The following SLC6A13 variants were observed in gnomAD, a reference collection of about 807,000 sequenced individuals.
The protein encoded by SLC6A13 is sodium- and chloride-dependent GABA transporter 2.
A neutral mutation model predicts 72.9 loss-of-function variants in SLC6A13; 69 were observed. The ratio of observed to expected loss-of-function variants is 0.95; its 90% confidence interval spans 0.78 to 1.16. The LOEUF is 1.16. SLC6A13 is among the 50% of genes most tolerant of loss of function. The pLI, the probability that SLC6A13 is intolerant of heterozygous loss-of-function variation, is 0.00. For synonymous variants in SLC6A13, 303 were observed against 303.0 expected (o/e 1.00, Z 0.00); for missense variants, 735 against 760.5 (o/e 0.97, Z 0.39).
chr12:229,264 T>C (rs896648618), intron 7 of SLC6A13, among the ~76,000 whole-genome samples: 3 of 152,188 alleles, frequency 2.0e-5, no homozygotes, highest in Admixed American at 6.5e-5. Context: ...GTTTGCAAAC[T>C]GCAGTGTCTC....
intron 2 of SLC6A13, among the ~76,000 whole-genome samples, chr12:258,703 T>G (rs1431897670): frequency 1.3e-5 from 2 of 152,088 alleles, no homozygotes; most frequent in Non-Finnish European, 2.9e-5. Flanking sequence ...ATTCCCTGAC[T>G]GTGGGTTAGT....
chr12:246,409 C>A (rs934324211), intron 2 of SLC6A13, among the ~76,000 whole-genome samples: 1 of 152,060 alleles, frequency 6.6e-6, no homozygotes, highest in Non-Finnish European at 1.5e-5. Context: ...ACCAGGAAAG[C>A]AAAGAATCAG....
chr12:229,222 T>C (rs1941604146), intron 7 of SLC6A13, among the ~76,000 whole-genome samples: 1 of 152,120 alleles, frequency 6.6e-6, no homozygotes, highest in African/African-American at 2.4e-5. Context: ...GGACAGGGAA[T>C]GAAGGACAGA....
intron 2 of SLC6A13, 168 bp downstream of exon 2, chr12:259,683 C>A (rs1367428607): frequency 3.2e-5 from 47 of 1,484,660 alleles, no homozygotes; most frequent in Non-Finnish European, 4.0e-5. Flanking sequence ...GTCACGTAAC[C>A]TTTCTAGGTC....
At chr12:255,401 A>G (rs1942704590) in intron 2 of SLC6A13, among the ~76,000 whole-genome samples, 1 of 151,958 alleles carries the variant, frequency 6.6e-6, no homozygotes, top group Non-Finnish European at 1.5e-5. Flanking sequence ...TTATTTTAAA[A>G]TGTAAGATGA....
At chr12:229,984 G>C (rs1047627261) in intron 7 of SLC6A13, among the ~76,000 whole-genome samples, 3 of 152,098 alleles carry the variant, frequency 2.0e-5, no homozygotes, top group Non-Finnish European at 4.4e-5. Context: ...AACCCAGAGC[G>C]CAAGGGTCAA....
chr12:222,574 A>C lies in SLC6A13; in HGVS notation c.1473T>G (p.Leu491=), dbSNP rs1205017800. Residue 491 remains leucine, a synonymous_variant, in exon 13 of 15, where the codon CTT becomes CTG. Transcript: ENST00000343164. ...TGAGGAAGAGCCAACAGTATTTGAT[A>C]AGAGGCCATGGCCTGTACCCAATCA... is the stretch of plus-strand genomic sequence containing the variant. ...EDMIGYRPWP[L]IKYCWLFLTP... is the part of the protein sequence containing the mutation. The C allele has an allele frequency of 6.2e-7, 1 of 1,610,812 alleles. No individual in the cohort carries two copies. The highest frequency in any genetic ancestry group is 2.2e-5 in the East Asian group (1 of 44,878).
chr12:232,150 A>C (rs995473530), intron 7 of SLC6A13, among the ~76,000 whole-genome samples: 3 of 152,218 alleles, frequency 2.0e-5, no homozygotes, highest in African/African-American at 7.2e-5. Context: ...GTTAGCTACA[A>C]ATAGCTGATC....
intron 4 of SLC6A13, among the ~76,000 whole-genome samples, chr12:242,253 G>A (rs953772732): frequency 6.6e-5 from 10 of 152,196 alleles, no homozygotes; most frequent in Non-Finnish European, 1.0e-4. Flanking sequence ...AGCAAGTCCA[G>A]ATGAATTGCA....
At chr12:237,063 C>T in intron 6 of SLC6A13, 95 bp downstream of exon 6, 1 of 1,408,064 alleles carries the variant, frequency 7.1e-7, no homozygotes, top group Non-Finnish European at 9.8e-7. Context: ...GCCTCCCATC[C>T]TCAACGGGGC....
chr12:224,192 G>A (rs751514828), intron 10 of SLC6A13, 63 bp from the exon 11 acceptor site: 100 of 1,595,426 alleles, frequency 6.3e-5, no homozygotes, highest in Middle Eastern at 1.7e-4. Flanking sequence ...GTCCATGAGC[G>A]CTGGCTTCTC....
chr12:226,628 T>G, intron 8 of SLC6A13, 114 bp from the exon 9 acceptor site: 1 of 1,324,934 alleles, frequency 7.5e-7, no homozygotes, highest in Non-Finnish European at 1.0e-6. Context: ...TCCTGGCCCC[T>G]TCACGGACGC....
chr12:243,555 G>C lies in SLC6A13; in HGVS notation c.337+124C>G, dbSNP rs527241380. On this transcript the variant is annotated intron_variant, in intron 3 of 14. Coordinates refer to ENST00000343164, the MANE Select transcript of SLC6A13 (RefSeq NM_016615.5). ...TCAGTATGCAGCCCACAAACCAAGG[G>C]TTTAGCATAGAGACTCGGGATCTTA... 6.2e-6 allele frequency: 6 copies of C among 966,216 alleles called. No homozygotes were observed. In the Admixed American group the frequency reaches 1.1e-4, roughly 18 times the overall value. 59.9% of individuals were successfully genotyped at this position (966,216 alleles called of 1,614,324 possible).
intron 4 of SLC6A13, among the ~76,000 whole-genome samples, chr12:241,461 G>A (rs1246757487): frequency 6.6e-6 from 1 of 152,168 alleles, no homozygotes; most frequent in Non-Finnish European, 1.5e-5. Flanking sequence ...GTGCTCTCCA[G>A]CCATGCCGTC....
Position 248,269 on chromosome 12 carries a change from A to G in SLC6A13, c.203-4456T>C, listed in dbSNP as rs200473159. ...AAAAAGACATGAAGAGGTTAAAAGT[A>G]AAAGGATAGAAAGATATACCATGCT... On this transcript the variant is annotated intron_variant, in intron 2 of 14. Coordinates refer to ENST00000343164, the MANE Select transcript of SLC6A13 (RefSeq NM_016615.5). Among the ~76,000 whole-genome samples the G allele has an allele frequency of 5.4e-5, 8 of 149,178 alleles. No homozygotes were observed. In the East Asian group the frequency reaches 1.4e-3, roughly 26 times the overall value.
intron 13 of SLC6A13, 73 bp from the exon 14 acceptor site, chr12:221,619 C>G: frequency 1.0e-6 from 1 of 1,002,774 alleles, no homozygotes; most frequent in South Asian, 1.6e-5. Flanking sequence ...CGCTCCCCAG[C>G]AGCCTGGCAG....
chr12:242,606 G>T lies in SLC6A13; in HGVS notation c.478+8C>A, dbSNP rs767155502. ...AGGAGGAAGTGGACCCTTGGGTGAG[G>T]ACCATACCTGTGTTCCACTCATGGT... On this transcript the variant is annotated splice_region_variant and intron_variant, in intron 4 of 14. Transcript: ENST00000343164. 6.2e-7 allele frequency: 1 copy of T among 1,613,182 alleles called. No homozygotes were observed. The highest frequency in any genetic ancestry group is 1.1e-5 in the South Asian group (1 of 90,884).
intron 4 of SLC6A13, among the ~76,000 whole-genome samples, chr12:239,355 C>T (rs1022939959): frequency 6.6e-6 from 1 of 151,912 alleles, no homozygotes; most frequent in Non-Finnish European, 1.5e-5. Context: ...CTACCACGTC[C>T]ACCCGGTTCC....
chr12:231,131 A>G (rs1305072493), intron 7 of SLC6A13, among the ~76,000 whole-genome samples: 1 of 152,182 alleles, frequency 6.6e-6, no homozygotes, highest in African/African-American at 2.4e-5. Context: ...GGACCCGGGA[A>G]AGAAACAAGT....
Sources: gnomAD v4.1 joint callset for allele counts (sites outside exome capture counted in the v4.1 genomes callset) on GRCh38, gnomAD v4.1.1 for gene constraint, MANE v1.5 for transcripts, NCBI Gene and HGNC (gene_info 2026-07-23, HGNC 2026-07-21) for gene names.